Variants in SYCP2 observed in about 807,000 individuals in gnomAD.
SYCP2 encodes synaptonemal complex lateral element protein.
Under a neutral mutation model 211.3 loss-of-function variants are expected in SYCP2, and 55 were observed. The ratio of observed to expected loss-of-function variants is 0.26; its 90% CI spans 0.21 to 0.33. The LOEUF is 0.33. SYCP2 is among the 10% of genes least tolerant of loss of function. SYCP2 has a pLI of 1.00. For missense variants in SYCP2, 1,731 were observed against 1,752.0 expected (o/e 0.99, Z 0.21); for synonymous variants, 570 against 555.2 (o/e 1.03, Z -0.37).
At chr20:59,890,157 C>T (rs920831216) in intron 24 of SYCP2, among the ~76,000 whole-genome samples, 2 of 152,090 alleles carry the variant, frequency 1.3e-5, no homozygotes, top group Admixed American at 6.6e-5. Context: ...CCCAAATGCC[C>T]ATCAATGATA....
Position 59,893,524 on chromosome 20 carries a change from T to C in SYCP2, c.1735A>G (p.Ser579Gly), listed in dbSNP as rs1442643719. The C allele has an allele frequency of 6.3e-7, 1 of 1,599,332 alleles. No homozygotes were observed. Among genetic ancestry groups the C allele is most frequent in the Non-Finnish European group, 8.6e-7 (1 of 1,169,164 alleles). Residue 579 changes from serine (S) to glycine (G), a missense_variant and splice_region_variant, in exon 21 of 45, where the codon AGT (serine) becomes GGT (glycine). By Grantham distance (56) the Ser-to-Gly change is moderately conservative. Transcript: ENST00000357552. ...KNVEFPNQNF[S>G]ELQDVIPDSQ... is the part of the protein sequence containing the mutation. ...CTAAATTAAACCACAAGGTACTTACTAAAATTTTGGTTTGGGAATTCAACA... is the reference window on the plus strand; with the variant it reads ...CTAAATTAAACCACAAGGTACTTACCAAAATTTTGGTTTGGGAATTCAACA...
intron 15 of SYCP2, among the ~76,000 whole-genome samples, chr20:59,905,474 T>C (rs916548498): frequency 2.6e-5 from 4 of 152,124 alleles, no homozygotes; most frequent in Non-Finnish European, 4.4e-5. Context: ...TGAATCTTTT[T>C]TTAAAAAAGT....
At position 59,922,393 on chromosome 20, in the gene SYCP2, G is replaced by C. The variant is rs1017757825; in HGVS notation, c.21C>G (p.Leu7=). The part of the protein sequence containing the change: MPIRPD[L]QQLEKCIDDA... ...CTTTTGGTCTAGGACTACATACCTG[G>C]AGATCTGGTCTTATTGGCATTTTGA... is the stretch of plus-strand genomic sequence containing the variant. The change falls in exon 3 of 45, where the codon CTC becomes CTG. Residue 7 remains leucine (L), a synonymous_variant. Coordinates refer to ENST00000357552, the MANE Select transcript of SYCP2 (RefSeq NM_014258.4). The C allele has an allele frequency of 4.5e-6, 7 of 1,567,434 alleles. No homozygotes were observed. Among genetic ancestry groups the C allele is most frequent in the African/African-American group, 4.2e-5 (3 of 71,142 alleles).
chr20:59,925,679 T>C (rs2060621584), intron 2 of SYCP2, among the ~76,000 whole-genome samples: 2 of 152,026 alleles, frequency 1.3e-5, no homozygotes, highest in African/African-American at 4.8e-5. Flanking sequence ...TGTTAACGTA[T>C]TGCCCTGGTA....
intron 3 of SYCP2, 105 bp downstream of exon 3, chr20:59,922,285 C>T: frequency 2.0e-6 from 2 of 1,021,836 alleles, no homozygotes; most frequent in South Asian, 3.4e-5. Flanking sequence ...TTCATAAAAA[C>T]ATGTAAGCTT....
intron 44 of SYCP2, 21 bp downstream of exon 44, chr20:59,865,367 T>G (rs2059309654): frequency 5.7e-6 from 9 of 1,586,208 alleles, no homozygotes; most frequent in Non-Finnish European, 7.7e-6. Context: ...ATTATCCCAT[T>G]TTCAAACTTA....
intron 19 of SYCP2, 79 bp downstream of exon 19, chr20:59,896,350 T>TA: frequency 1.4e-6 from 1 of 737,176 alleles, no homozygotes; most frequent in Admixed American, 2.6e-5. Context: ...TTATGTAAAT[T>TA]ATGTTCAGAA....
At position 59,863,612 on chromosome 20, in the gene SYCP2, A is replaced by C. The variant is rs2059275327; in HGVS notation, c.*699T>G. Reference sequence around the variant, plus strand: ...TGACATAAGCATTTATTTCAACTTCATTAAAAGCAAATCAAATGTATACTC... The same window carrying C: ...TGACATAAGCATTTATTTCAACTTCCTTAAAAGCAAATCAAATGTATACTC... On this transcript the variant is annotated 3_prime_UTR_variant, in exon 45 of 45. Coordinates refer to ENST00000357552, the MANE Select transcript of SYCP2 (RefSeq NM_014258.4). The C allele has an allele frequency of 6.6e-6, 1 of 152,150 alleles. No individual in the cohort carries two copies. The highest frequency in any genetic ancestry group is 6.5e-5 in the Admixed American group (1 of 15,270). 9.4% of individuals were successfully genotyped at this position (152,150 alleles called of 1,614,324 possible).
rs150575100 is a variant in SYCP2 at position 59,921,384 on chromosome 20, T to C, written c.94A>G (p.Ile32Val). The change falls in exon 4 of 45, where the codon ATT becomes GTT. Residue 32 changes from isoleucine to valine, a missense_variant. By Grantham distance (29) the Ile-to-Val change is conservative (BLOSUM62 3). Transcript: ENST00000357552. ...ATCTTCACATCTTCACAAATATCAATTTGCAAAAGTGTTTTCAAAGGTTTG... is the reference window on the plus strand; with the variant it reads ...ATCTTCACATCTTCACAAATATCAACTTGCAAAAGTGTTTTCAAAGGTTTG... Reference protein sequence around the residue: ...DFKPLKTLLQIDICEDVKIKC... With the variant: ...DFKPLKTLLQVDICEDVKIKC... The C allele has an allele frequency of 5.6e-6, 9 of 1,607,310 alleles. No individual in the cohort carries two copies. The African/African-American group carries it at 1.2e-4, about 22-fold the overall frequency.
intron 2 of SYCP2, among the ~76,000 whole-genome samples, chr20:59,927,498 T>C (rs1218159716): frequency 6.6e-6 from 1 of 152,038 alleles, no homozygotes; most frequent in African/African-American, 2.4e-5. Context: ...TAACCCAAAG[T>C]AGAATCTTCT....
At chr20:59,865,025 CACTAA>C (rs1367297981) in intron 44 of SYCP2, among the ~76,000 whole-genome samples, 1 of 151,980 alleles carries the variant, frequency 6.6e-6, no homozygotes, top group African/African-American at 2.4e-5. Context: ...GTAATTCTTC[CACTAA>C]ACTACAGACT....
intron 35 of SYCP2, 25 bp from the exon 36 acceptor site, chr20:59,870,008 C>G (rs751172131): frequency 5.4e-5 from 80 of 1,476,090 alleles, no homozygotes; most frequent in Admixed American, 2.6e-4. Context: ...ATACAAAAAC[C>G]CAATAAGAAG....
Position 59,892,403 on chromosome 20 carries a change from T to C in SYCP2, c.1951A>G (p.Thr651Ala), listed in dbSNP as rs1391811122. 1.3e-6 allele frequency: 2 copies of C among 1,537,988 alleles called. No individual in the cohort carries two copies. The highest frequency in any genetic ancestry group is 2.4e-5 in the South Asian group (2 of 83,010). Residue 651 changes from threonine to alanine, a missense_variant, in exon 24 of 45, where the codon ACT becomes GCT. Coordinates refer to ENST00000357552, the MANE Select transcript of SYCP2 (RefSeq NM_014258.4). The stretch of plus-strand genomic sequence containing the variant: ...ATTGAAGAGGATGATTTTTGTTTAG[T>C]AAGTTTTTTATTTATAACAATATCT... ...NQDIVINKKL[T>A]KQKSSSSISD...
intron 37 of SYCP2, 38 bp downstream of exon 37, chr20:59,868,797 G>A (rs2145599377): frequency 2.0e-6 from 3 of 1,507,014 alleles, no homozygotes. Context: ...TAGCATTTCA[G>A]TAATCATTTT....
intron 37 of SYCP2, 68 bp downstream of exon 37, chr20:59,868,767 C>A: frequency 2.1e-6 from 3 of 1,397,514 alleles, no homozygotes; most frequent in South Asian, 1.3e-5. Flanking sequence ...ATACATAATT[C>A]CTTTAGTTGA....
Position 59,910,872 on chromosome 20 carries a change from G to A in SYCP2, c.972+878C>T, listed in dbSNP as rs555062066. ...CAGGAGAAATATACTAATGGAAACT[G>A]TCAGTGCCCCTGAGAAGCAGTGCTA... On this transcript the variant is annotated intron_variant, in intron 14 of 44. Transcript: ENST00000357552. Among the ~76,000 whole-genome samples, 8 of 151,974 alleles carry A rather than the reference G, an allele frequency of 5.3e-5. No individual in the cohort carries two copies. In the South Asian group the frequency reaches 1.5e-3, roughly 28 times the overall value.
intron 44 of SYCP2, 56 bp from the exon 45 acceptor site, chr20:59,864,444 A>C: frequency 8.3e-7 from 1 of 1,205,560 alleles, no homozygotes; most frequent in Non-Finnish European, 1.2e-6. Flanking sequence ...CTGTAAAACC[A>C]CCAAATAAAA....
At chr20:59,909,241 A>T (rs1465753115) in intron 14 of SYCP2, among the ~76,000 whole-genome samples, 1 of 152,226 alleles carries the variant, frequency 6.6e-6, no homozygotes, top group African/African-American at 2.4e-5. Context: ...TGTCATTTAT[A>T]TACAGATAGC....
At chr20:59,930,802 TA>T (rs1344467446) in intron 2 of SYCP2, among the ~76,000 whole-genome samples, 1 of 152,142 alleles carries the variant, frequency 6.6e-6, no homozygotes, top group African/African-American at 2.4e-5. Context: ...AATTCTACAA[TA>T]ATTTTAATAT....
Sources: allele counts gnomAD v4.1 joint callset (sites outside exome capture counted in the v4.1 genomes callset), GRCh38; gene constraint gnomAD v4.1.1; transcripts MANE v1.5; gene names NCBI Gene and HGNC (gene_info 2026-07-23, HGNC 2026-07-21).